Variants in ZMIZ1 observed in about 807,000 individuals in gnomAD.
ZMIZ1 encodes zinc finger MIZ domain-containing protein 1.
ZMIZ1 carries 17 observed loss-of-function variants against 113.9 expected under a neutral mutation model. The observed-to-expected ratio is 0.15, with a 90% CI of 0.10 to 0.22. ZMIZ1 has a LOEUF of 0.22. Ranked by LOEUF, ZMIZ1 falls within the 10% of genes least tolerant of loss-of-function variation. ZMIZ1 has a pLI of 1.00. For missense variants in ZMIZ1, 1,059 were observed against 1,477.8 expected, an observed-to-expected ratio of 0.72 and a Z score of 4.65; for synonymous variants, 607 against 603.1, an observed-to-expected ratio of 1.01 and a Z score of -0.09.
At chr10:79,151,568 G>T (rs1050894843) in intron 3 of ZMIZ1, among the ~76,000 whole-genome samples, 3 of 152,246 alleles carry the variant, frequency 2.0e-5, no homozygotes, top group Non-Finnish European at 4.4e-5. Context: ...GTCAGCACCA[G>T]CTGGGCTTGG....
rs145580010 is a variant in ZMIZ1 at position 79,129,578 on chromosome 10, G to T, written c.-226-10104G>T. Among the ~76,000 whole-genome samples, 9 of 152,282 alleles carry T rather than the reference G, an allele frequency of 5.9e-5. No individual in the cohort carries two copies. In the East Asian group the frequency reaches 1.7e-3, roughly 29 times the overall value. On this transcript the variant is annotated intron_variant, in intron 2 of 24. Transcript: ENST00000334512. ...TTCCTCTCTTCCCTCCCCTCTGCCA[G>T]CAGGAGGGGCATGACTCATGCCTGG...
At chr10:79,070,851 T>G (rs111828292) in intron 1 of ZMIZ1, among the ~76,000 whole-genome samples, 3 of 100,490 alleles carry the variant, frequency 3.0e-5, no homozygotes, top group African/African-American at 1.1e-4. Flanking sequence ...CCTCCCTCCC[T>G]CCCTCCCGCT....
At position 79,313,056 on chromosome 10, in the gene ZMIZ1, G is replaced by C; in HGVS notation, c.*307G>C. Reference sequence around the variant, plus strand: ...GAACCAGCCCGGTAAGAGGGCACACGCTGATGCGGCTTCCCGGTCCCTCCG... The same window carrying C: ...GAACCAGCCCGGTAAGAGGGCACACCCTGATGCGGCTTCCCGGTCCCTCCG... On this transcript the variant is annotated 3_prime_UTR_variant, in exon 25 of 25. Coordinates refer to ENST00000334512, the MANE Select transcript of ZMIZ1 (RefSeq NM_020338.4). The C allele has an allele frequency of 2.5e-6, 1 of 395,564 alleles. No homozygotes were observed. Among genetic ancestry groups the C allele is most frequent in the Non-Finnish European group, 4.6e-6 (1 of 216,300 alleles). The allele number at this position is 395,564 out of a possible 1,614,324, so 24.5% of individuals were successfully genotyped here. A position where few individuals can be genotyped will look rare whatever the true frequency, so the allele number is the denominator to read the frequency against.
rs377547017 is a variant in ZMIZ1, at chr10:79,108,060, G to A, written c.-336-10855G>A. Among the ~76,000 whole-genome samples, 4 of 152,198 alleles carry A rather than the reference G, an allele frequency of 2.6e-5. No individual in the cohort carries two copies. In the East Asian group the frequency reaches 5.8e-4, roughly 22 times the overall value. The stretch of plus-strand genomic sequence containing the variant: ...CACAGTCACCAGTGATCTGCTTCCA[G>A]GCTAGTGTTGACATCCCAGCCCACC... On this transcript the variant is annotated intron_variant, in intron 1 of 24. Transcript: ENST00000334512.
At chr10:79,177,434 A>T (rs1322974256) in intron 4 of ZMIZ1, among the ~76,000 whole-genome samples, 3 of 152,190 alleles carry the variant, frequency 2.0e-5, no homozygotes, top group African/African-American at 7.2e-5. Flanking sequence ...CCCAGTTGAC[A>T]AAGGCTTACA....
chr10:79,309,424 G>A (rs1170037106), intron 23 of ZMIZ1, among the ~76,000 whole-genome samples: 2 of 152,226 alleles, frequency 1.3e-5, no homozygotes, highest in African/African-American at 4.8e-5. Flanking sequence ...GGAGCCCTAA[G>A]CTGGCCTCTC....
At chr10:79,267,600 A>G (rs1376201192) in intron 7 of ZMIZ1, among the ~76,000 whole-genome samples, 1 of 152,196 alleles carries the variant, frequency 6.6e-6, no homozygotes. Context: ...CTTACCCAAG[A>G]TCACACAGCT....
At chr10:79,096,782 G>A (rs1459889987) in intron 1 of ZMIZ1, among the ~76,000 whole-genome samples, 2 of 152,184 alleles carry the variant, frequency 1.3e-5, no homozygotes, top group African/African-American at 4.8e-5. Context: ...TGTCTGCTGG[G>A]AGCCAAAGAG....
At chr10:79,300,008 G>GCA (rs1004670292) in intron 16 of ZMIZ1, among the ~76,000 whole-genome samples, 2 of 151,692 alleles carry the variant, frequency 1.3e-5, no homozygotes, top group Admixed American at 1.3e-4. Flanking sequence ...CCTGGCACAT[G>GCA]CACACACACC....
In ZMIZ1 at chr10:79,208,444, T is replaced by C; in HGVS notation, c.169T>C (p.Leu57=). 2 of 1,613,210 alleles carry C rather than the reference T, an allele frequency of 1.2e-6. No homozygotes were observed. The highest frequency in any genetic ancestry group is 1.7e-6 in the Non-Finnish European group (2 of 1,179,910). The part of the protein sequence containing the change: ...RPFEQSLMGC[L]TVVSRVAAQQ... ...CTTCGAGCAGAGCCTGATGGGCTGT[T>C]TGACGGTGAGTCTGCACCCTGTCCG... Residue 57 remains leucine (L), a synonymous_variant, in exon 6 of 25, where the codon TTG becomes CTG. Transcript: ENST00000334512.
At chr10:79,276,448 G>A (rs1387679747) in intron 7 of ZMIZ1, among the ~76,000 whole-genome samples, 2 of 152,208 alleles carry the variant, frequency 1.3e-5, no homozygotes, top group South Asian at 2.1e-4. Context: ...TATCCCGGAT[G>A]TGGATGGCTG....
At chr10:79,200,864 G>T (rs80022026) in intron 4 of ZMIZ1, among the ~76,000 whole-genome samples, 1 of 151,310 alleles carries the variant, frequency 6.6e-6, no homozygotes, top group South Asian at 2.1e-4. Context: ...ACTGAGGGTC[G>T]TCATATGGGA....
chr10:79,281,839 A>C (rs1172879414), intron 8 of ZMIZ1, among the ~76,000 whole-genome samples: 1 of 152,244 alleles, frequency 6.6e-6, no homozygotes, highest in Non-Finnish European at 1.5e-5. Flanking sequence ...ACACACAGCC[A>C]GTAAAGGGCA....
At chr10:79,092,830 G>T (rs1321852609) in intron 1 of ZMIZ1, among the ~76,000 whole-genome samples, 1 of 152,098 alleles carries the variant, frequency 6.6e-6, no homozygotes, top group African/African-American at 2.4e-5. Context: ...GGGTGGTCAG[G>T]TAGCTCGCTT....
At chr10:79,310,873 C>A in intron 23 of ZMIZ1, 51 bp from the exon 24 acceptor site, 1 of 1,568,290 alleles carries the variant, frequency 6.4e-7, no homozygotes, top group Non-Finnish European at 8.7e-7. Flanking sequence ...GCATCATCGC[C>A]GTGCCTCCTC....
intron 4 of ZMIZ1, among the ~76,000 whole-genome samples, chr10:79,194,061 C>T (rs7093478): frequency 0.19 from 29,639 of 152,130 alleles, 3,317 homozygotes; most frequent in South Asian, 0.29. Flanking sequence ...TGTCTTGGAA[C>T]GCAGCCTCTG....
intron 1 of ZMIZ1, among the ~76,000 whole-genome samples, chr10:79,089,686 C>T (rs547623631): frequency 2.0e-5 from 3 of 152,130 alleles, no homozygotes; most frequent in East Asian, 1.9e-4. Context: ...TCACCACCTC[C>T]GTGAGCATGA....
intron 4 of ZMIZ1, among the ~76,000 whole-genome samples, chr10:79,192,916 G>C (rs1302024445): frequency 6.6e-6 from 1 of 152,168 alleles, no homozygotes; most frequent in African/African-American, 2.4e-5. Context: ...GCCCGGAGCT[G>C]CCTCTTCCAT....
chr10:79,205,490 C>T (rs1848281115), intron 5 of ZMIZ1, among the ~76,000 whole-genome samples: 1 of 152,188 alleles, frequency 6.6e-6, no homozygotes, highest in Non-Finnish European at 1.5e-5. Context: ...TCAGGAGGCT[C>T]AAAAGAGAAA....
Sources: allele counts gnomAD v4.1 joint callset (sites outside exome capture counted in the v4.1 genomes callset), GRCh38; gene constraint gnomAD v4.1.1; transcripts MANE v1.5; gene names NCBI Gene and HGNC (gene_info 2026-07-23, HGNC 2026-07-21).